The following TTC12 variants were observed in gnomAD, a reference collection of about 807,000 sequenced individuals.
TTC12 encodes tetratricopeptide repeat protein 12.
Under a neutral mutation model 90.1 loss-of-function variants are expected in TTC12, and 70 were observed. The observed-to-expected ratio is 0.78, with a 90% CI of 0.64 to 0.95. The LOEUF is 0.95. Among genes scored for constraint, TTC12 ranks in the 40% least tolerant of loss-of-function variants. The pLI is 0.00. For missense variants in TTC12, 819 were observed against 846.1 expected (o/e 0.97, Z 0.40); for synonymous variants, 296 against 311.5 (o/e 0.95, Z 0.53).
intron 20 of TTC12, chr11:113,364,422 G>A (rs889575615): frequency 2.1e-5 from 5 of 241,344 alleles, no homozygotes; most frequent in African/African-American, 4.4e-5. Flanking sequence ...CCATGGAAGC[G>A]GCAAGCCTTT....
At position 113,365,052 on chromosome 11, in the gene TTC12, T is replaced by C. The variant is rs148458408; in HGVS notation, c.2034T>C (p.Ala678=). The C allele has an allele frequency of 1.9e-6, 3 of 1,613,548 alleles. No homozygotes were observed. The highest frequency in any genetic ancestry group is 4.5e-5 in the East Asian group (2 of 44,874). Residue 678 remains alanine, a synonymous_variant, in exon 21 of 22, where the codon GCT becomes GCC. Transcript: ENST00000529221. The part of the protein sequence containing the change: ...AGIALGKLCT[A]EPRFAAQLRK... ...TTGCTCTGGGGAAGCTGTGCACAGC[T>C]GAGCCCAGGTATGCTGTGGACACGG... is the stretch of plus-strand genomic sequence containing the variant.
intron 18 of TTC12, among the ~76,000 whole-genome samples, chr11:113,361,174 T>C (rs1949902935): frequency 6.6e-6 from 1 of 152,138 alleles, no homozygotes; most frequent in African/African-American, 2.4e-5. Context: ...ATCCGTGGTG[T>C]CAACTATAGC....
chr11:113,341,652 T>C, intron 11 of TTC12, 185 bp from the exon 12 acceptor site: 1 of 590,114 alleles, frequency 1.7e-6, no homozygotes. Flanking sequence ...GCTTCCTCAG[T>C]CTGCATCCGT....
At position 113,351,504 on chromosome 11, in the gene TTC12, C is replaced by T. The variant is rs577262485; in HGVS notation, c.1308+205C>T. ...GGTGGCATATGGATGGCGCTGGTTA[C>T]AGGGGAGGAAAAGCTGGATATGGGT... is the stretch of plus-strand genomic sequence containing the variant. On this transcript the variant is annotated intron_variant, in intron 15 of 21. Transcript: ENST00000529221. Among the ~76,000 whole-genome samples the T allele has an allele frequency of 2.0e-4, 31 of 152,296 alleles. 1 individual carries two copies. In the South Asian group the frequency reaches 2.3e-3, roughly 11 times the overall value.
intron 6 of TTC12, 133 bp from the exon 7 acceptor site, chr11:113,329,787 G>A: frequency 1.3e-6 from 1 of 784,330 alleles, no homozygotes; most frequent in Non-Finnish European, 2.3e-6. Context: ...TCTGTTTCCT[G>A]GCAGGACCAT....
chr11:113,351,662 T>C (rs1345146649), intron 15 of TTC12, among the ~76,000 whole-genome samples: 1 of 152,240 alleles, frequency 6.6e-6, no homozygotes, highest in East Asian at 1.9e-4. Flanking sequence ...TTTGAGCTGA[T>C]AAGGCAGTGA....
chr11:113,331,189 G>T (rs1948040331), intron 7 of TTC12, among the ~76,000 whole-genome samples: 1 of 152,116 alleles, frequency 6.6e-6, no homozygotes. Flanking sequence ...CATTGCACAG[G>T]TATAGTCTTT....
rs1555139907 is a variant in TTC12 at position 113,324,018 on chromosome 11, A to G, written c.244+3A>G. 1 of 1,611,328 alleles carries G rather than the reference A, an allele frequency of 6.2e-7. No individual in the cohort carries two copies. The highest frequency in any genetic ancestry group is 1.7e-5 in the Admixed American group (1 of 59,944). On this transcript the variant is annotated splice_donor_region_variant and intron_variant, in intron 4 of 21. Transcript: ENST00000529221. ...GAGTGCAGAAGAAATAAACTCAGGT[A>G]AGGACAGCATCTCTCTTCCCAATTT...
intron 13 of TTC12, among the ~76,000 whole-genome samples, chr11:113,345,771 T>A (rs1410315967): frequency 6.6e-6 from 1 of 152,168 alleles, no homozygotes; most frequent in Non-Finnish European, 1.5e-5. Flanking sequence ...CTTCATCGTA[T>A]TTTTTTAATA....
chr11:113,319,274 A>G (rs1947142549), intron 2 of TTC12, among the ~76,000 whole-genome samples: 1 of 152,180 alleles, frequency 6.6e-6, no homozygotes, highest in Non-Finnish European at 1.5e-5. Flanking sequence ...TGTCAAGGTC[A>G]TCAAAACTGT....
chr11:113,342,534 C>T (rs929353894), intron 12 of TTC12, among the ~76,000 whole-genome samples: 1 of 152,116 alleles, frequency 6.6e-6, no homozygotes, highest in Non-Finnish European at 1.5e-5. Context: ...AAGTTTGACC[C>T]TGGACAGAAA....
intron 9 of TTC12, 67 bp from the exon 10 acceptor site, chr11:113,339,218 AG>A: frequency 7.6e-7 from 1 of 1,318,676 alleles, no homozygotes; most frequent in Non-Finnish European, 1.0e-6. Context: ...GGAAAAAAAA[AG>A]GTTGCTTCTT....
intron 2 of TTC12, among the ~76,000 whole-genome samples, chr11:113,322,316 T>C (rs1454384777): frequency 3.3e-5 from 5 of 151,824 alleles, no homozygotes; most frequent in Non-Finnish European, 5.9e-5. Flanking sequence ...TATTGCGCAA[T>C]AGGATTATTA....
chr11:113,359,811 G>A, intron 17 of TTC12, 129 bp from the exon 18 acceptor site: 1 of 680,718 alleles, frequency 1.5e-6, no homozygotes, highest in African/African-American at 1.8e-5. Context: ...AGTAAAAGAT[G>A]GTGTTGTGAG....
At chr11:113,370,971 C>A (rs1308821848), downstream of TTC12, among the ~76,000 whole-genome samples, 1 of 152,162 alleles carries the variant, frequency 6.6e-6, no homozygotes, top group Non-Finnish European at 1.5e-5. Context: ...TACACACACC[C>A]CCACACACAC....
chr11:113,362,433 T>C lies in TTC12; in HGVS notation c.1647T>C (p.Ser549=), dbSNP rs144618337. 3.0e-5 allele frequency: 49 copies of C among 1,614,004 alleles called. No homozygotes were observed. The highest frequency in any genetic ancestry group is 2.7e-4 in the African/African-American group (20 of 74,954). Residue 549 remains serine, a synonymous_variant, in exon 19 of 22, where the codon TCT becomes TCC. Transcript: ENST00000529221. The stretch of plus-strand genomic sequence containing the variant: ...CTGGTGTTCTGAGCCGGACCCTTTC[T>C]TCCTCTCTGAAAATTGTTGAGGAGG... ...RAAGVLSRTL[S]SSLKIVEEAL... is the part of the protein sequence containing the mutation.
At chr11:113,335,647 G>A (rs540325461) in intron 8 of TTC12, among the ~76,000 whole-genome samples, 36 of 152,108 alleles carry the variant, frequency 2.4e-4, no homozygotes, top group Admixed American at 1.8e-3. Flanking sequence ...ACATTTGCCC[G>A]TTCTGTAGAT....
rs1448933865 is a variant in TTC12 at position 113,364,905 on chromosome 11, T to G, written c.1887T>G (p.Leu629=). 4 of 1,614,200 alleles carry G rather than the reference T, an allele frequency of 2.5e-6. No individual in the cohort carries two copies. The South Asian group carries it at 4.4e-5, about 18-fold the overall frequency. The change falls in exon 21 of 22, where the codon CTT becomes CTG. Residue 629 remains leucine (L), a synonymous_variant. Coordinates refer to ENST00000529221, the MANE Select transcript of TTC12 (RefSeq NM_017868.4). ...TGGTGGGCAACGCTGCCCTCTGCCT[T>G]GGTAACTGCATGGAGGTGCCCAACG... ...EVLVGNAALC[L]GNCMEVPNVA...
chr11:113,365,089 C>G (rs766418636), intron 21 of TTC12, 29 bp downstream of exon 21: 1 of 1,597,546 alleles, frequency 6.3e-7, no homozygotes, highest in Admixed American at 1.7e-5. Flanking sequence ...GCCAGGCTGA[C>G]CTATTGCAGA....
Sources: allele counts gnomAD v4.1 joint callset (sites outside exome capture counted in the v4.1 genomes callset), GRCh38; gene constraint gnomAD v4.1.1; transcripts MANE v1.5; gene names NCBI Gene and HGNC (gene_info 2026-07-23, HGNC 2026-07-21).